GABRB1: variants seen among roughly 807,000 people sequenced by gnomAD.
The protein encoded by GABRB1 is gamma-aminobutyric acid type A receptor subunit beta1, also known as gamma-aminobutyric acid receptor subunit beta-1.
In GABRB1, 17 loss-of-function variants were observed where a neutral mutation model predicts 51.6. That is an observed-to-expected ratio of 0.33 (90% CI 0.23 to 0.49). GABRB1 has a LOEUF of 0.49. Ranked by LOEUF, GABRB1 falls within the 20% of genes least tolerant of loss-of-function variation. The probability of loss-of-function intolerance (pLI) is 0.99; values close to 1 mark genes in which losing one functional copy is unlikely to be tolerated. For missense variants in GABRB1, 410 were observed against 600.6 expected, an observed-to-expected ratio of 0.68 and a Z score of 3.32; for synonymous variants, 247 against 218.9, an observed-to-expected ratio of 1.13 and a Z score of -1.14.
chr4:47,101,293 G>C (rs1451326627), intron 3 of GABRB1, among the ~76,000 whole-genome samples: 2 of 151,818 alleles, frequency 1.3e-5, no homozygotes, highest in East Asian at 3.9e-4. Context: ...ATCAAAAGTT[G>C]GTATGCAAGA....
At chr4:47,163,790 C>T (rs896432535) in intron 4 of GABRB1, among the ~76,000 whole-genome samples, 1 of 151,956 alleles carries the variant, frequency 6.6e-6, no homozygotes, top group African/African-American at 2.4e-5. Flanking sequence ...AGCCATTTCA[C>T]CTCCCTGGGC....
At chr4:47,014,646 G>C (rs1220833143) in intron 1 of GABRB1, among the ~76,000 whole-genome samples, 14 of 152,024 alleles carry the variant, frequency 9.2e-5, no homozygotes, top group Admixed American at 9.2e-4. Flanking sequence ...AGATCCCACA[G>C]GTTAAGGACT....
At chr4:47,118,409 G>T (rs1333781470) in intron 3 of GABRB1, among the ~76,000 whole-genome samples, 1 of 152,060 alleles carries the variant, frequency 6.6e-6, no homozygotes, top group Non-Finnish European at 1.5e-5. Flanking sequence ...CTGTCTAAGT[G>T]ACTTCACACC....
intron 3 of GABRB1, among the ~76,000 whole-genome samples, chr4:47,114,198 C>T (rs529135309): frequency 5.9e-5 from 9 of 152,044 alleles, no homozygotes; most frequent in Non-Finnish European, 2.9e-5. Flanking sequence ...CATTCCAAGG[C>T]GTATGAAGAG....
chr4:47,297,793 G>A (rs1724064608), intron 4 of GABRB1, among the ~76,000 whole-genome samples: 1 of 152,170 alleles, frequency 6.6e-6, no homozygotes, highest in African/African-American at 2.4e-5. Context: ...AAGCCGGGCA[G>A]AGACACAACC....
intron 4 of GABRB1, among the ~76,000 whole-genome samples, chr4:47,258,514 A>G (rs143565685): frequency 2.4e-3 from 371 of 152,284 alleles, no homozygotes; most frequent in African/African-American, 8.3e-3. Flanking sequence ...CTAATAATAA[A>G]GACTTGAGGA....
At chr4:47,369,070 T>A (rs899918183) in intron 5 of GABRB1, among the ~76,000 whole-genome samples, 8 of 152,176 alleles carry the variant, frequency 5.3e-5, no homozygotes, top group African/African-American at 1.9e-4. Flanking sequence ...ATCACATCAC[T>A]GCACTCCAGC....
chr4:47,007,523 T>C (rs938244503), intron 1 of GABRB1, among the ~76,000 whole-genome samples: 1 of 152,138 alleles, frequency 6.6e-6, no homozygotes, highest in African/African-American at 2.4e-5. Context: ...TTCACTGACA[T>C]AGAGAGAATG....
intron 4 of GABRB1, among the ~76,000 whole-genome samples, chr4:47,215,907 A>G (rs1720535062): frequency 1.3e-5 from 2 of 152,082 alleles, no homozygotes; most frequent in Admixed American, 1.3e-4. Flanking sequence ...AGCTCCTCTG[A>G]AATTATTCAC....
At chr4:47,199,001 CAATT>C (rs1719797717) in intron 4 of GABRB1, among the ~76,000 whole-genome samples, 1 of 152,154 alleles carries the variant, frequency 6.6e-6, no homozygotes, top group African/African-American at 2.4e-5. Context: ...CCCCATGATC[CAATT>C]ACCTCCCACC....
intron 4 of GABRB1, among the ~76,000 whole-genome samples, chr4:47,319,501 T>C (rs573357823): frequency 6.6e-5 from 10 of 152,274 alleles, no homozygotes; most frequent in African/African-American, 2.4e-4. Flanking sequence ...GTGTTGTTGA[T>C]TGTTGCATAT....
chr4:47,269,273 C>A (rs1722761834), intron 4 of GABRB1, among the ~76,000 whole-genome samples: 2 of 152,106 alleles, frequency 1.3e-5, no homozygotes, highest in South Asian at 2.1e-4. Context: ...AATCACAAAC[C>A]CTTTCTGCCC....
chr4:47,297,566 T>G (rs1378112111), intron 4 of GABRB1, among the ~76,000 whole-genome samples: 5 of 152,128 alleles, frequency 3.3e-5, no homozygotes, highest in African/African-American at 1.2e-4. Flanking sequence ...AGGAAGAGGT[T>G]GAATCTCTGA....
At chr4:47,399,885 A>G (rs1578145911) in intron 5 of GABRB1, among the ~76,000 whole-genome samples, 1 of 152,202 alleles carries the variant, frequency 6.6e-6, no homozygotes, top group African/African-American at 2.4e-5. Flanking sequence ...TAAGACTATT[A>G]TTACACCCTT....
chr4:47,080,884 G>A lies in GABRB1; in HGVS notation c.240+48400G>A, dbSNP rs150785801. On this transcript the variant is annotated intron_variant, in intron 3 of 8. Transcript: ENST00000295454. ...ACAGATTTTTGGGTAAACACAAATG[G>A]GCTTTGCTTGGATTTATGTCTTTTT... 4.1e-3 allele frequency among the ~76,000 whole-genome samples: 625 copies of A among 152,220 alleles called. 5 individuals carry two copies. Among genetic ancestry groups the A allele is most frequent in the Non-Finnish European group, 6.3e-3 (426 of 68,022 alleles).
At chr4:47,375,804 A>G (rs1727355113) in intron 5 of GABRB1, among the ~76,000 whole-genome samples, 1 of 152,164 alleles carries the variant, frequency 6.6e-6, no homozygotes, top group African/African-American at 2.4e-5. Flanking sequence ...GGGGAGGAAA[A>G]GCAAATATTG....
intron 5 of GABRB1, among the ~76,000 whole-genome samples, chr4:47,347,557 C>T (rs374980902): frequency 1.3e-4 from 19 of 151,926 alleles, no homozygotes; most frequent in African/African-American, 4.1e-4. Context: ...GCCTTCGTGG[C>T]ACAATCTCTG....
chr4:47,177,438 A>G (rs1032160772), intron 4 of GABRB1, among the ~76,000 whole-genome samples: 2 of 152,158 alleles, frequency 1.3e-5, no homozygotes, highest in African/African-American at 2.4e-5. Flanking sequence ...GAAAGCTTAG[A>G]CTTACACTGT....
chr4:47,155,991 G>C (rs912964323), intron 3 of GABRB1, among the ~76,000 whole-genome samples: 1 of 135,170 alleles, frequency 7.4e-6, no homozygotes, highest in Admixed American at 8.8e-5. Flanking sequence ...TACTTAGGTT[G>C]ATTCCATATT....
Sources: allele counts gnomAD v4.1 joint callset (sites outside exome capture counted in the v4.1 genomes callset), GRCh38; gene constraint gnomAD v4.1.1; transcripts MANE v1.5; gene names NCBI Gene and HGNC (gene_info 2026-07-23, HGNC 2026-07-21).